Variants in RNF212 observed in about 807,000 individuals in gnomAD.
RNF212 encodes the protein ring finger protein 212.
A neutral mutation model predicts 34.7 loss-of-function variants in RNF212; 33 were observed. The observed-to-expected ratio is 0.95, with a 90% CI of 0.72 to 1.27. RNF212 has a LOEUF of 1.27. Ranked by LOEUF, RNF212 falls within the 50% of genes most tolerant of loss-of-function variation. The pLI is 0.00. For missense variants in RNF212, 377 were observed against 362.2 expected, an observed-to-expected ratio of 1.04 and a Z score of -0.33; for synonymous variants, 140 against 136.1, an observed-to-expected ratio of 1.03 and a Z score of -0.20.
At chr4:1,090,706 G>C in intron 4 of RNF212, 76 bp downstream of exon 4, 2 of 814,156 alleles carry the variant, frequency 2.5e-6, no homozygotes, top group Admixed American at 3.6e-5. Context: ...TTGAGAGCAA[G>C]GTGTTAATTA....
chr4:1,063,219 T>C (rs144615831), intron 3 of RNF212, among the ~76,000 whole-genome samples: 4 of 152,274 alleles, frequency 2.6e-5, no homozygotes, highest in South Asian at 2.1e-4. Flanking sequence ...CTAAAATTCA[T>C]ATGGAAATGC....
chr4:1,094,337 A>T (rs1722701516), intron 3 of RNF212, among the ~76,000 whole-genome samples: 1 of 152,120 alleles, frequency 6.6e-6, no homozygotes, highest in Non-Finnish European at 1.5e-5. Context: ...GTGACATCCA[A>T]GGAGGCCAGA....
At chr4:1,057,697 A>G (rs1717426483) in intron 4 of RNF212, among the ~76,000 whole-genome samples, 1 of 152,186 alleles carries the variant, frequency 6.6e-6, no homozygotes, top group South Asian at 2.1e-4. Context: ...GTAGAACAGC[A>G]CGCAGTCACC....
chr4:1,081,775 T>C, intron 5 of RNF212, 156 bp from the exon 6 acceptor site: 1 of 625,762 alleles, frequency 1.6e-6, no homozygotes, highest in South Asian at 1.9e-5. Flanking sequence ...TCCCATAGCG[T>C]CCTGTGAGTC....
intron 3 of RNF212, among the ~76,000 whole-genome samples, chr4:1,063,995 A>C (rs534087400): frequency 6.6e-6 from 1 of 152,112 alleles, no homozygotes; most frequent in Non-Finnish European, 1.5e-5. Context: ...TTATCCTTCA[A>C]AATGAAGACA....
intron 8 of RNF212, among the ~76,000 whole-genome samples, chr4:1,074,678 G>A (rs927379867): frequency 6.6e-6 from 1 of 152,148 alleles, no homozygotes; most frequent in South Asian, 2.1e-4. Flanking sequence ...GCTGCCTGCA[G>A]GCCAGCTTTC....
intron 2 of RNF212, among the ~76,000 whole-genome samples, chr4:1,103,197 G>C (rs1724298845): frequency 6.6e-6 from 1 of 152,064 alleles, no homozygotes; most frequent in Admixed American, 6.6e-5. Flanking sequence ...ATTGACTCAA[G>C]GAGAATTAGG....
At chr4:1,061,191 T>G (rs1717726632) in intron 3 of RNF212, among the ~76,000 whole-genome samples, 2 of 151,864 alleles carry the variant, frequency 1.3e-5, no homozygotes, top group Admixed American at 1.3e-4. Context: ...GCAAACCAAA[T>G]CCAGCAGCAT....
chr4:1,093,297 TTA>T, intron 3 of RNF212: 1 of 858,712 alleles, frequency 1.2e-6, no homozygotes, highest in Non-Finnish European at 1.6e-6. Context: ...CTATTAGAAA[TTA>T]AGACTGAGAC....
In RNF212 at chr4:1,082,022, G is replaced by A. The variant is rs1054740816; in HGVS notation, c.363-403C>T. 1.6e-5 allele frequency: 4 copies of A among 244,392 alleles called. No individual in the cohort carries two copies. In the East Asian group the frequency reaches 3.3e-4, roughly 20 times the overall value. 15.1% of individuals were successfully genotyped at this position (244,392 alleles called of 1,614,324 possible). A position where few individuals can be genotyped will look rare whatever the true frequency, so the allele number is the denominator to read the frequency against. ...TCCCAACACTTTGGGAGGCAGGGGC[G>A]GGAGGATTGGTTGAGCCCAGGAGTT... is the stretch of plus-strand genomic sequence containing the variant. On this transcript the variant is annotated intron_variant, in intron 5 of 9. Transcript: ENST00000433731.
chr4:1,067,418 C>T (rs182984371), downstream of RNF212, among the ~76,000 whole-genome samples: 29 of 151,716 alleles, frequency 1.9e-4, no homozygotes, highest in Admixed American at 1.0e-3. Context: ...TATAATAGAT[C>T]AAAAAAAGAT....
At chr4:1,100,303 C>A (rs1231438528) in intron 2 of RNF212, 1 of 223,042 alleles carries the variant, frequency 4.5e-6, no homozygotes, top group Non-Finnish European at 9.0e-6. Context: ...TCCAACAACA[C>A]TGAATTTGTC....
chr4:1,094,204 T>C (rs1722679504), intron 3 of RNF212, among the ~76,000 whole-genome samples: 1 of 151,844 alleles, frequency 6.6e-6, no homozygotes. Context: ...GCAGGTGGGG[T>C]GGCCAACGGT....
Position 1,073,667 on chromosome 4 carries a change from G to A in RNF212, c.511-5C>T. ...AGGGCCGGCTGCTATCTCAGACTAA[G>A]AATGCAACAAGAAAACAATGGGTAA... On this transcript the variant is annotated splice_region_variant and splice_polypyrimidine_tract_variant and intron_variant, in intron 8 of 9. Transcript: ENST00000433731. 6.2e-7 allele frequency: 1 copy of A among 1,606,762 alleles called. No homozygotes were observed. The highest frequency in any genetic ancestry group is 1.3e-5 in the African/African-American group (1 of 74,566).
intron 3 of RNF212, among the ~76,000 whole-genome samples, chr4:1,091,097 G>C (rs527319454): frequency 3.5e-4 from 53 of 152,252 alleles, no homozygotes; most frequent in South Asian, 8.3e-4. Context: ...GTGCTCTACT[G>C]CTGGGCCAAT....
At chr4:1,067,567 A>G (rs1285248564), downstream of RNF212, among the ~76,000 whole-genome samples, 1 of 152,340 alleles carries the variant, frequency 6.6e-6, no homozygotes, top group East Asian at 1.9e-4. Context: ...ACCGTAAAAA[A>G]TAATGAAATA....
chr4:1,111,713 G>C (rs977928116), intron 1 of RNF212, among the ~76,000 whole-genome samples: 1 of 152,008 alleles, frequency 6.6e-6, no homozygotes, highest in Non-Finnish European at 1.5e-5. Flanking sequence ...ATACACACCT[G>C]AAATCAACAA....
At chr4:1,074,056 G>A (rs988546901) in intron 8 of RNF212, among the ~76,000 whole-genome samples, 2 of 152,194 alleles carry the variant, frequency 1.3e-5, no homozygotes, top group South Asian at 4.1e-4. Flanking sequence ...TGATGGACAG[G>A]TTGGAGCTAA....
At chr4:1,094,537 C>G (rs1424071256) in intron 3 of RNF212, among the ~76,000 whole-genome samples, 8 of 152,164 alleles carry the variant, frequency 5.3e-5, no homozygotes, top group Admixed American at 5.2e-4. Flanking sequence ...GGGAGGGGAC[C>G]ATGGAGCCAA....
Sources: gnomAD v4.1 joint callset for allele counts (sites outside exome capture counted in the v4.1 genomes callset) on GRCh38, gnomAD v4.1.1 for gene constraint, MANE v1.5 for transcripts, NCBI Gene and HGNC (gene_info 2026-07-23, HGNC 2026-07-21) for gene names.